GADL1: variants seen among roughly 807,000 people sequenced by gnomAD.
GADL1 encodes acidic amino acid decarboxylase GADL1.
In GADL1, 71 loss-of-function variants were observed where a neutral mutation model predicts 69.5. That is an observed-to-expected ratio of 1.02 (90% confidence interval 0.84 to 1.25). GADL1 has a LOEUF of 1.25. GADL1 is among the 50% of genes most tolerant of loss of function. GADL1 has a pLI of 0.00. For synonymous variants in GADL1, 254 were observed against 214.4 expected (o/e 1.18, Z -1.62); for missense variants, 737 against 631.8 (o/e 1.17, Z -1.79).
chr3:30,846,216 C>T (rs1698053545), intron 6 of GADL1, among the ~76,000 whole-genome samples: 1 of 152,130 alleles, frequency 6.6e-6, no homozygotes, highest in Non-Finnish European at 1.5e-5. Context: ...TCAGAAGTAA[C>T]AACTGCATTT....
intron 12 of GADL1, among the ~76,000 whole-genome samples, chr3:30,796,873 C>T (rs555209589): frequency 2.0e-5 from 3 of 152,052 alleles, no homozygotes; most frequent in Non-Finnish European, 4.4e-5. Context: ...ACTTCATACC[C>T]ATAATCACCA....
At chr3:30,740,844 TTTTAAC>T (rs1695605609) in intron 14 of GADL1, among the ~76,000 whole-genome samples, 1 of 149,294 alleles carries the variant, frequency 6.7e-6, no homozygotes, top group African/African-American at 2.5e-5. Flanking sequence ...AGTTATCTGC[TTTTAAC>T]TTTGTTTTTA....
intron 14 of GADL1, among the ~76,000 whole-genome samples, chr3:30,762,706 T>G (rs556565446): frequency 2.0e-5 from 3 of 152,266 alleles, no homozygotes; most frequent in Non-Finnish European, 2.9e-5. Context: ...TCTCCTTCAT[T>G]CTTTTTATTT....
At chr3:30,783,359 C>G (rs967442676) in intron 13 of GADL1, among the ~76,000 whole-genome samples, 2 of 152,090 alleles carry the variant, frequency 1.3e-5, no homozygotes, top group Admixed American at 6.6e-5. Context: ...TTTCAGGGGC[C>G]TATGAATAAT....
intron 14 of GADL1, among the ~76,000 whole-genome samples, chr3:30,729,004 A>C (rs1695413013): frequency 6.6e-6 from 1 of 152,210 alleles, no homozygotes; most frequent in Non-Finnish European, 1.5e-5. Context: ...CATCCTAGAA[A>C]AAAAGAAAGT....
chr3:30,860,195 A>G (rs1480593773), intron 2 of GADL1, among the ~76,000 whole-genome samples: 1 of 151,858 alleles, frequency 6.6e-6, no homozygotes, highest in Non-Finnish European at 1.5e-5. Context: ...TGAAATCCCA[A>G]AAATCTGTTC....
intron 6 of GADL1, among the ~76,000 whole-genome samples, chr3:30,846,735 G>A (rs180848412): frequency 6.6e-6 from 1 of 152,300 alleles, no homozygotes; most frequent in East Asian, 1.9e-4. Context: ...AAGCCAGATA[G>A]ACTGAACCCA....
chr3:30,884,439 C>T (rs79377833), intron 1 of GADL1, among the ~76,000 whole-genome samples: 3 of 151,950 alleles, frequency 2.0e-5, no homozygotes, highest in African/African-American at 7.2e-5. Flanking sequence ...GAAGCAGAAC[C>T]AAATTCAGTT....
At chr3:30,786,608 TTGA>T (rs894653115) in intron 12 of GADL1, among the ~76,000 whole-genome samples, 5 of 152,302 alleles carry the variant, frequency 3.3e-5, no homozygotes, top group Middle Eastern at 3.4e-3. Context: ...ATGCATCTTT[TTGA>T]TGATGATATC....
At chr3:30,851,047 T>C in intron 4 of GADL1, 106 bp from the exon 5 acceptor site, 6 of 623,800 alleles carry the variant, frequency 9.6e-6, no homozygotes, top group Non-Finnish European at 1.4e-5. Context: ...GCTGCTGAAG[T>C]GTAGGCAGTC....
At chr3:30,814,401 TC>T (rs1377271689) in intron 11 of GADL1, among the ~76,000 whole-genome samples, 7 of 152,320 alleles carry the variant, frequency 4.6e-5, no homozygotes, top group African/African-American at 1.7e-4. Context: ...ACCTTATATA[TC>T]CTATATAGGA....
chr3:30,841,126 T>C (rs182529562), intron 8 of GADL1, among the ~76,000 whole-genome samples: 9 of 152,248 alleles, frequency 5.9e-5, no homozygotes, highest in East Asian at 1.9e-4. Context: ...AGTTAAAAGC[T>C]TGAAACAAAA....
chr3:30,831,262 CATT>C (rs1267064762), intron 11 of GADL1, among the ~76,000 whole-genome samples: 2 of 151,932 alleles, frequency 1.3e-5, no homozygotes, highest in Non-Finnish European at 2.9e-5. Context: ...TCAATCTTCA[CATT>C]ATTCTCTATG....
At chr3:30,734,963 A>G (rs1341888901) in intron 14 of GADL1, among the ~76,000 whole-genome samples, 2 of 152,172 alleles carry the variant, frequency 1.3e-5, no homozygotes, top group Non-Finnish European at 2.9e-5. Flanking sequence ...AGAGGGGAAA[A>G]TAATAGCCTT....
chr3:30,841,052 A>G (rs933573487), intron 8 of GADL1, among the ~76,000 whole-genome samples: 2 of 152,240 alleles, frequency 1.3e-5, no homozygotes, highest in Non-Finnish European at 2.9e-5. Context: ...GTCATAGGCC[A>G]GGGAGTTGAA....
At chr3:30,786,696 A>C (rs1433667312) in intron 12 of GADL1, among the ~76,000 whole-genome samples, 1 of 152,220 alleles carries the variant, frequency 6.6e-6, no homozygotes, top group Non-Finnish European at 1.5e-5. Context: ...TATATCTCTG[A>C]ACATGTGGGT....
intron 11 of GADL1, among the ~76,000 whole-genome samples, chr3:30,813,723 T>C (rs1697403903): frequency 6.6e-6 from 1 of 152,192 alleles, no homozygotes; most frequent in Non-Finnish European, 1.5e-5. Context: ...AAACACGAGT[T>C]CCCTGGTCGT....
intron 14 of GADL1, among the ~76,000 whole-genome samples, chr3:30,768,562 G>A (rs1440960745): frequency 6.9e-5 from 6 of 87,436 alleles, no homozygotes; most frequent in African/African-American, 1.9e-4. Context: ...GGAGAGAGAA[G>A]GGGTGGGGAG....
At chr3:30,871,314 A>C (rs1698478930) in intron 1 of GADL1, among the ~76,000 whole-genome samples, 1 of 147,490 alleles carries the variant, frequency 6.8e-6, no homozygotes, top group South Asian at 2.1e-4. Context: ...TGTGAAACCA[A>C]GAATTGAAGG....
Sources: gnomAD v4.1 joint callset for allele counts (sites outside exome capture counted in the v4.1 genomes callset) on GRCh38, gnomAD v4.1.1 for gene constraint, MANE v1.5 for transcripts, NCBI Gene and HGNC (gene_info 2026-07-23, HGNC 2026-07-21) for gene names.